The following RLN2 variants were observed in gnomAD, a reference collection of about 807,000 sequenced individuals.
RLN2 encodes prorelaxin H2.
A neutral mutation model predicts 7.3 loss-of-function variants in RLN2; 10 were observed. The observed-to-expected ratio is 1.36, with a 90% CI of 0.84 to 2.31. The LOEUF (loss-of-function observed/expected upper bound fraction) is 2.31, where lower values mean the gene tolerates loss of function less well. RLN2 is among the 30% of genes most tolerant of loss of function. The pLI, the probability that RLN2 is intolerant of heterozygous loss-of-function variation, is 0.00. For missense variants in RLN2, 298 were observed against 217.6 expected, an observed-to-expected ratio of 1.37 and a Z score of -2.32; for synonymous variants, 103 against 82.3, an observed-to-expected ratio of 1.25 and a Z score of -1.36.
At chr9:5,327,393 G>A in the RLN2 span, among the ~76,000 whole-genome samples, 1 of 151,988 alleles carries the variant, frequency 6.6e-6, no homozygotes, top group East Asian at 1.9e-4. Flanking sequence ...TAAACAAAGA[G>A]GCTAGGAAGC....
chr9:5,314,347 C>T, the RLN2 span, among the ~76,000 whole-genome samples: 4 of 151,952 alleles, frequency 2.6e-5, no homozygotes, highest in African/African-American at 9.7e-5. Context: ...AGATGCTCCA[C>T]CCACCCCTCC....
the RLN2 span, among the ~76,000 whole-genome samples, chr9:5,314,454 C>T: frequency 3.3e-5 from 5 of 151,966 alleles, no homozygotes; most frequent in African/African-American, 4.8e-5. Flanking sequence ...AGTCATGCAC[C>T]CCCATTCCTG....
the RLN2 span, among the ~76,000 whole-genome samples, chr9:5,334,204 C>G: frequency 6.6e-6 from 1 of 151,894 alleles, no homozygotes; most frequent in Non-Finnish European, 1.5e-5. Context: ...AAAGGGTATT[C>G]GAATAGGAAG....
At chr9:5,321,358 C>A in the RLN2 span, among the ~76,000 whole-genome samples, 1 of 152,016 alleles carries the variant, frequency 6.6e-6, no homozygotes, top group Admixed American at 6.6e-5. Flanking sequence ...ATTTTATTCA[C>A]GTTTTTATTC....
chr9:5,335,578 G>C, the RLN2 span: 4 of 1,606,416 alleles, frequency 2.5e-6, no homozygotes, highest in East Asian at 2.2e-5. Flanking sequence ...TATCTTTGTT[G>C]ATGAAGGATG....
the RLN2 span, among the ~76,000 whole-genome samples, chr9:5,331,900 T>A: frequency 2.0e-5 from 3 of 151,954 alleles, no homozygotes; most frequent in Non-Finnish European, 4.4e-5. Context: ...ATATGAAAAA[T>A]GTATTTATCC....
At chr9:5,337,473 C>G in the RLN2 span, among the ~76,000 whole-genome samples, 4 of 151,936 alleles carry the variant, frequency 2.6e-5, 1 homozygote, top group Non-Finnish European at 5.9e-5. Flanking sequence ...ATTTTGGATG[C>G]AAATCTTACT....
the RLN2 span, among the ~76,000 whole-genome samples, chr9:5,336,317 C>A: frequency 1.3e-5 from 2 of 152,034 alleles, no homozygotes; most frequent in Admixed American, 6.6e-5. Context: ...AGTGTACTGA[C>A]TAATGTTTTC....
At chr9:5,306,102 G>GGTTTTGT (rs1554618110), upstream of RLN2, among the ~76,000 whole-genome samples, 1 of 123,436 alleles carries the variant, frequency 8.1e-6, no homozygotes, top group African/African-American at 3.3e-5. Context: ...CTTTGTTTTT[G>GGTTTTGT]TTTTTTGTTT....
the RLN2 span, among the ~76,000 whole-genome samples, chr9:5,320,721 A>G: frequency 9.9e-5 from 15 of 152,148 alleles, no homozygotes; most frequent in African/African-American, 3.1e-4. Context: ...AGTTATTTTT[A>G]GTATTGCATT....
chr9:5,311,483 TA>T, the RLN2 span: 1 of 671,864 alleles, frequency 1.5e-6, no homozygotes, highest in East Asian at 2.7e-5. Context: ...TTAAAGGAGA[TA>T]AAGTCACGAT....
At chr9:5,328,901 C>A in the RLN2 span, among the ~76,000 whole-genome samples, 3 of 152,008 alleles carry the variant, frequency 2.0e-5, no homozygotes. Flanking sequence ...TTGTCACCAT[C>A]AGGGCTGCCT....
At chr9:5,329,672 C>T in the RLN2 span, among the ~76,000 whole-genome samples, 2 of 151,576 alleles carry the variant, frequency 1.3e-5, no homozygotes, top group African/African-American at 4.9e-5. Flanking sequence ...AAGGCCACTA[C>T]ATAATGGTAA....
At chr9:5,318,755 T>A in the RLN2 span, among the ~76,000 whole-genome samples, 1,375 of 152,090 alleles carry the variant, frequency 9.0e-3, 35 homozygotes, top group African/African-American at 0.03. Context: ...TATTTTTTTT[T>A]AAATAAGCTG....
chr9:5,335,676 T>C, the RLN2 span: 7 of 848,352 alleles, frequency 8.3e-6, no homozygotes, highest in South Asian at 1.8e-5. Flanking sequence ...AATGTTTGCA[T>C]ACACAAAGAA....
chr9:5,336,283 G>A, the RLN2 span, among the ~76,000 whole-genome samples: 1 of 152,036 alleles, frequency 6.6e-6, no homozygotes, highest in African/African-American at 2.4e-5. Flanking sequence ...GATTTAAGAA[G>A]AGATTCATAT....
chr9:5,311,679 A>G, the RLN2 span: 3 of 1,295,168 alleles, frequency 2.3e-6, no homozygotes, highest in Non-Finnish European at 3.3e-6. Flanking sequence ...AAAACAGACC[A>G]GGCACAGAAA....
the RLN2 span, among the ~76,000 whole-genome samples, chr9:5,310,548 C>A: frequency 6.6e-6 from 1 of 152,006 alleles, no homozygotes; most frequent in African/African-American, 2.4e-5. Context: ...GCATGGCTCC[C>A]ATTCCCCATA....
At chr9:5,305,330 A>G (rs1816222414), upstream of RLN2, among the ~76,000 whole-genome samples, 1 of 149,848 alleles carries the variant, frequency 6.7e-6, no homozygotes, top group African/African-American at 2.5e-5. Flanking sequence ...TAAAATTCTA[A>G]TCTACATCTC....
Sources: allele counts gnomAD v4.1 joint callset (sites outside exome capture counted in the v4.1 genomes callset), GRCh38; gene constraint gnomAD v4.1.1; transcripts MANE v1.5; gene names NCBI Gene and HGNC (gene_info 2026-07-23, HGNC 2026-07-21).